Variants in PRSS23 observed in about 807,000 individuals in gnomAD.
PRSS23 encodes the protein protease, serine 23.
In PRSS23, 25 loss-of-function variants were observed where a neutral mutation model predicts 34.7. The observed-to-expected ratio is 0.72, with a 90% CI of 0.53 to 1.01. PRSS23 has a LOEUF of 1.01. PRSS23 is among the 50% of genes least tolerant of loss of function. PRSS23 has a pLI of 0.00. For synonymous variants in PRSS23, 176 were observed against 186.6 expected (o/e 0.94, Z 0.46); for missense variants, 445 against 475.6 (o/e 0.94, Z 0.60).
chr11:86,831,170 C>G (rs552905931), intron 2 of PRSS23, among the ~76,000 whole-genome samples: 6 of 152,142 alleles, frequency 3.9e-5, no homozygotes, highest in Non-Finnish European at 7.4e-5. Context: ...GATGTTATTA[C>G]TAATGTCACA....
chr11:86,829,409 A>T (rs1388139825), intron 2 of PRSS23, among the ~76,000 whole-genome samples: 1 of 152,068 alleles, frequency 6.6e-6, no homozygotes, highest in Non-Finnish European at 1.5e-5. Context: ...ATTTTTTTCA[A>T]AGTTTTCAAC....
chr11:86,834,386 C>T (rs1028560110), intron 2 of PRSS23, among the ~76,000 whole-genome samples: 12 of 152,164 alleles, frequency 7.9e-5, no homozygotes, highest in South Asian at 2.1e-4. Flanking sequence ...TTCTGAGTAC[C>T]GGGACTTGGT....
intron 2 of PRSS23, among the ~76,000 whole-genome samples, chr11:86,851,342 A>G (rs371730312): frequency 2.0e-5 from 3 of 152,238 alleles, no homozygotes; most frequent in Non-Finnish European, 2.9e-5. Flanking sequence ...TGCCCCTTGA[A>G]TGATCCTGTG....
At chr11:86,874,293 T>C (rs1217133213) in intron 2 of PRSS23, among the ~76,000 whole-genome samples, 1 of 152,208 alleles carries the variant, frequency 6.6e-6, no homozygotes, top group Non-Finnish European at 1.5e-5. Context: ...GAGCAACTTG[T>C]GTAGGGTTGC....
intron 1 of PRSS23, chr11:86,823,257 G>A (rs180752394): frequency 1.6e-6 from 1 of 622,292 alleles, no homozygotes; most frequent in Non-Finnish European, 2.9e-6. Flanking sequence ...AAAAAAAAAT[G>A]TATGATTAAT....
chr11:86,934,734 G>A (rs1055352200), intron 2 of PRSS23: 3 of 152,210 alleles, frequency 2.0e-5, no homozygotes, highest in Non-Finnish European at 4.4e-5. Flanking sequence ...CATCCAGAAG[G>A]TCATTCCCAG....
chr11:86,863,720 A>G (rs1051745499), intron 2 of PRSS23, among the ~76,000 whole-genome samples: 1 of 152,180 alleles, frequency 6.6e-6, no homozygotes, highest in African/African-American at 2.4e-5. Context: ...GAATCCCTTC[A>G]TAGACTCAAA....
At chr11:86,859,029 C>T (rs562278239) in intron 2 of PRSS23, among the ~76,000 whole-genome samples, 1 of 151,898 alleles carries the variant, frequency 6.6e-6, no homozygotes, top group African/African-American at 2.4e-5. Context: ...GGTGTACACA[C>T]ACCGGTCTAA....
At chr11:86,858,732 G>A (rs914196960) in intron 2 of PRSS23, among the ~76,000 whole-genome samples, 1 of 151,290 alleles carries the variant, frequency 6.6e-6, no homozygotes, top group African/African-American at 2.4e-5. Flanking sequence ...ACAACCCTGT[G>A]GTATTGTTCC....
chr11:86,792,872 C>A (rs1381720333), intron 1 of PRSS23, among the ~76,000 whole-genome samples: 1 of 152,150 alleles, frequency 6.6e-6, no homozygotes, highest in African/African-American at 2.4e-5. Context: ...TGACGTTTTT[C>A]AAACTCCATT....
chr11:86,818,677 A>T (rs889302085), intron 1 of PRSS23, among the ~76,000 whole-genome samples: 3 of 152,068 alleles, frequency 2.0e-5, no homozygotes, highest in Non-Finnish European at 4.4e-5. Flanking sequence ...CTAGTGGTTT[A>T]TTTAACTTAT....
rs540552441 is a variant in PRSS23, at chr11:86,821,391, C to A, written c.-11-1986C>A. ...GCTACGGATTACTTCTTTATGCTAA[C>A]CCTGCTGGGAAAACATTGATTGCTC... On this transcript the variant is annotated intron_variant, in intron 1 of 2. Transcript: ENST00000533902. The A allele has an allele frequency of 5.4e-6, 7 of 1,289,856 alleles. No individual in the cohort carries two copies. The East Asian group carries it at 7.0e-5, about 13-fold the overall frequency. The allele number at this position is 1,289,856 out of a possible 1,614,324, so 79.9% of individuals were successfully genotyped here.
intron 2 of PRSS23, among the ~76,000 whole-genome samples, chr11:86,844,933 T>C (rs1040737740): frequency 1.3e-5 from 2 of 151,986 alleles, no homozygotes; most frequent in Admixed American, 6.6e-5. Flanking sequence ...CTATTAAAAA[T>C]ACAAAATTAG....
At chr11:86,890,853 T>C (rs1948836733) in intron 2 of PRSS23, among the ~76,000 whole-genome samples, 1 of 152,208 alleles carries the variant, frequency 6.6e-6, no homozygotes, top group Non-Finnish European at 1.5e-5. Context: ...AAGCCCTTAA[T>C]AAAACCCCTT....
chr11:86,927,374 T>C (rs1460795092), intron 2 of PRSS23, among the ~76,000 whole-genome samples: 2 of 152,196 alleles, frequency 1.3e-5, no homozygotes, highest in Admixed American at 1.3e-4. Context: ...AACACAGTTA[T>C]AAGATCTCAG....
At chr11:86,821,413 G>T in intron 1 of PRSS23, 1 of 1,452,212 alleles carries the variant, frequency 6.9e-7, no homozygotes, top group Non-Finnish European at 9.6e-7. Flanking sequence ...AACATTGATT[G>T]CTCTTCAGAA....
chr11:86,848,651 C>T (rs185180603), intron 2 of PRSS23, among the ~76,000 whole-genome samples: 1 of 152,282 alleles, frequency 6.6e-6, no homozygotes, highest in African/African-American at 2.4e-5. Flanking sequence ...AAACTTATCA[C>T]CTAAGAAGCG....
At chr11:86,906,452 T>C (rs1948943648) in intron 2 of PRSS23, among the ~76,000 whole-genome samples, 1 of 152,302 alleles carries the variant, frequency 6.6e-6, no homozygotes, top group East Asian at 1.9e-4. Context: ...CGGCGCACCT[T>C]AGGGGCTGGA....
chr11:86,853,347 C>G (rs548486025), intron 2 of PRSS23, among the ~76,000 whole-genome samples: 25 of 143,016 alleles, frequency 1.7e-4, no homozygotes, highest in Non-Finnish European at 2.1e-4. Flanking sequence ...CTCCGCCTCC[C>G]AGGTTCAAGC....
Sources: allele counts gnomAD v4.1 joint callset (sites outside exome capture counted in the v4.1 genomes callset), GRCh38; gene constraint gnomAD v4.1.1; transcripts MANE v1.5; gene names NCBI Gene and HGNC (gene_info 2026-07-23, HGNC 2026-07-21).